STXBP6: variants seen among roughly 807,000 people sequenced by gnomAD.
STXBP6 encodes syntaxin-binding protein 6.
Under a neutral mutation model 26.9 loss-of-function variants are expected in STXBP6, and 21 were observed. That is an observed-to-expected ratio of 0.78 (90% CI 0.55 to 1.12). The LOEUF is 1.12. STXBP6 is among the 50% of genes most tolerant of loss of function. The probability of loss-of-function intolerance (pLI) is 0.00; values close to 1 mark genes in which losing one functional copy is unlikely to be tolerated. For missense variants in STXBP6, 232 were observed against 257.9 expected (o/e 0.90, Z 0.69); for synonymous variants, 97 against 92.6 (o/e 1.05, Z -0.27).
At chr14:25,003,364 C>T (rs1375611504) in intron 1 of STXBP6, among the ~76,000 whole-genome samples, 1 of 152,114 alleles carries the variant, frequency 6.6e-6, no homozygotes, top group Non-Finnish European at 1.5e-5. Flanking sequence ...ATTCTTTTGT[C>T]GTCATTATTG....
At chr14:24,849,552 G>A (rs2069076193) in intron 4 of STXBP6, among the ~76,000 whole-genome samples, 1 of 152,104 alleles carries the variant, frequency 6.6e-6, no homozygotes, top group South Asian at 2.1e-4. Context: ...CTTAATGGCT[G>A]TGGGATCTTG....
intron 1 of STXBP6, among the ~76,000 whole-genome samples, chr14:25,014,493 T>G (rs2075102984): frequency 6.6e-6 from 1 of 152,112 alleles, no homozygotes; most frequent in Non-Finnish European, 1.5e-5. Context: ...AAAATAAAAA[T>G]TAAAAGCAGC....
chr14:25,036,837 C>T (rs1238250731), intron 1 of STXBP6, among the ~76,000 whole-genome samples: 1 of 118,076 alleles, frequency 8.5e-6, no homozygotes, highest in African/African-American at 3.5e-5. Context: ...GCCTGGGCGA[C>T]AGAGCAAGAC....
At chr14:24,868,782 C>A (rs577732619) in intron 2 of STXBP6, among the ~76,000 whole-genome samples, 4 of 152,152 alleles carry the variant, frequency 2.6e-5, no homozygotes, top group Admixed American at 2.6e-4. Flanking sequence ...TAGCTTAGAC[C>A]AGAGGGTAGT....
chr14:25,039,928 T>A (rs750458402), intron 1 of STXBP6, among the ~76,000 whole-genome samples: 11 of 152,030 alleles, frequency 7.2e-5, no homozygotes, highest in Non-Finnish European at 1.5e-4. Flanking sequence ...AGGCTGGTCT[T>A]GAACAATTGC....
intron 2 of STXBP6, among the ~76,000 whole-genome samples, chr14:24,945,167 A>G (rs1365474307): frequency 1.3e-4 from 1 of 7,598 alleles, no homozygotes; most frequent in Non-Finnish European, 4.7e-4. Flanking sequence ...TTTTTTTTTT[A>G]GCAGATTCCT....
intron 2 of STXBP6, among the ~76,000 whole-genome samples, chr14:24,922,200 T>C (rs562418726): frequency 3.4e-4 from 52 of 152,196 alleles, no homozygotes; most frequent in African/African-American, 1.2e-3. Flanking sequence ...AAGCCATTGA[T>C]GAAAAATTAG....
chr14:24,914,020 AT>A, intron 2 of STXBP6, among the ~76,000 whole-genome samples: 1 of 152,212 alleles, frequency 6.6e-6, no homozygotes, highest in Admixed American at 6.5e-5. Context: ...GCCTTAAATT[AT>A]GCATCATCTT....
In STXBP6 at chr14:24,957,731, T is replaced by A. The variant is rs549944657; in HGVS notation, c.154+16934A>T. Among the ~76,000 whole-genome samples the A allele has an allele frequency of 2.6e-5, 4 of 152,336 alleles. No homozygotes were observed. In the South Asian group the frequency reaches 8.3e-4, roughly 32 times the overall value. Reference sequence around the variant, plus strand: ...AGGTACTTTTAATCAGCATTTTACATAAATGGAAACTACGCCTTAGAAAGG... The same window carrying A: ...AGGTACTTTTAATCAGCATTTTACAAAAATGGAAACTACGCCTTAGAAAGG... On this transcript the variant is annotated intron_variant, in intron 2 of 5. Transcript: ENST00000323944.
At chr14:24,919,780 G>T (rs1316694007) in intron 2 of STXBP6, among the ~76,000 whole-genome samples, 1 of 152,076 alleles carries the variant, frequency 6.6e-6, no homozygotes. Flanking sequence ...AAGGTGAGTT[G>T]TGTGTATGTA....
intron 2 of STXBP6, among the ~76,000 whole-genome samples, chr14:24,933,340 T>TC (rs1437802229): frequency 6.6e-6 from 1 of 151,970 alleles, no homozygotes; most frequent in African/African-American, 2.4e-5. Flanking sequence ...AGATTCTGTC[T>TC]CAAAAAAGTA....
intron 1 of STXBP6, among the ~76,000 whole-genome samples, chr14:25,023,686 C>T (rs528724854): frequency 3.5e-4 from 54 of 152,176 alleles, no homozygotes; most frequent in African/African-American, 1.3e-3. Context: ...ATGGTGGCTA[C>T]TCAGGAGGCT....
intron 2 of STXBP6, among the ~76,000 whole-genome samples, chr14:24,873,235 A>G (rs903316677): frequency 1.3e-5 from 2 of 152,268 alleles, no homozygotes; most frequent in African/African-American, 4.8e-5. Flanking sequence ...GTAGTTTGCT[A>G]TTCTAGGCAA....
At chr14:24,847,368 T>C (rs922766293) in intron 4 of STXBP6, among the ~76,000 whole-genome samples, 4 of 152,180 alleles carry the variant, frequency 2.6e-5, no homozygotes, top group African/African-American at 7.2e-5. Flanking sequence ...TAAATGTTTC[T>C]AACTTAAGAA....
chr14:24,869,703 A>T (rs756091116), intron 2 of STXBP6, among the ~76,000 whole-genome samples: 2 of 152,186 alleles, frequency 1.3e-5, no homozygotes, highest in Non-Finnish European at 2.9e-5. Context: ...GCTGGTCATG[A>T]TGTCCACACA....
At chr14:24,901,904 A>C (rs1165729095) in intron 2 of STXBP6, among the ~76,000 whole-genome samples, 1 of 152,144 alleles carries the variant, frequency 6.6e-6, no homozygotes, top group Non-Finnish European at 1.5e-5. Context: ...GGATGATGGA[A>C]ATGTTCTGTG....
chr14:24,911,443 CCAAGCAGGAGGATGTCCAAAGAAAGAAAT>C (rs2071571260), intron 2 of STXBP6, among the ~76,000 whole-genome samples: 1 of 151,214 alleles, frequency 6.6e-6, no homozygotes, highest in African/African-American at 2.4e-5. Context: ...AAGAAAGAAA[CCAAGCAGGAGGATGTCCAAAGAAAGAAAT>C]CAAGCAGGAG....
intron 2 of STXBP6, among the ~76,000 whole-genome samples, chr14:24,942,285 G>A (rs1335746061): frequency 6.6e-6 from 1 of 152,178 alleles, no homozygotes; most frequent in Admixed American, 6.5e-5. Context: ...GGTGCTGTCT[G>A]AGCCTCATTT....
At chr14:24,955,925 G>C (rs1048498099) in intron 2 of STXBP6, among the ~76,000 whole-genome samples, 1 of 152,206 alleles carries the variant, frequency 6.6e-6, no homozygotes. Context: ...AGGAAACCAA[G>C]GCGGCACAGA....
Sources: allele counts gnomAD v4.1 joint callset (sites outside exome capture counted in the v4.1 genomes callset), GRCh38; gene constraint gnomAD v4.1.1; transcripts MANE v1.5; gene names NCBI Gene and HGNC (gene_info 2026-07-23, HGNC 2026-07-21).